Variants in COL6A1 observed in about 807,000 individuals in gnomAD.
COL6A1 encodes the protein collagen alpha-1(VI) chain.
In COL6A1, 80 loss-of-function variants were observed where a neutral mutation model predicts 145.6. The observed-to-expected ratio is 0.55, with a 90% CI of 0.46 to 0.66. The LOEUF (loss-of-function observed/expected upper bound fraction) is 0.66, where lower values mean the gene tolerates loss of function less well. Ranked by LOEUF, COL6A1 falls within the 30% of genes least tolerant of loss-of-function variation. The pLI, the probability that COL6A1 is intolerant of heterozygous loss-of-function variation, is 0.00. For synonymous variants in COL6A1, 638 were observed against 622.8 expected (o/e 1.02, Z -0.36); for missense variants, 1,364 against 1,473.8 (o/e 0.93, Z 1.22).
chr21:45,994,250 G>A lies in COL6A1; in HGVS notation c.1398+21G>A. 3.1e-6 allele frequency: 5 copies of A among 1,602,812 alleles called. No individual in the cohort carries two copies. The highest frequency in any genetic ancestry group is 4.3e-6 in the Non-Finnish European group (5 of 1,175,104). ...ACCCGGTAGGAAGCGCTGTGGGGTT[G>A]GGGGGCGTTGGCCAATTTGGGTTTT... On this transcript the variant is annotated intron_variant, in intron 20 of 34. Transcript: ENST00000361866. This position sits in a 1 kb window ranked among gnomAD's most constrained non-coding sequence, Gnocchi z 6.8.
chr21:46,001,102 G>A, intron 29 of COL6A1, 151 bp from the exon 30 acceptor site: 2 of 1,098,970 alleles, frequency 1.8e-6, no homozygotes, highest in South Asian at 1.5e-5. Flanking sequence ...GGGGCCATGG[G>A]AGGGGGTGGG....
chr21:46,001,434 C>A (rs1018574441), intron 30 of COL6A1, 48 bp downstream of exon 30: 5 of 1,599,542 alleles, frequency 3.1e-6, no homozygotes, highest in Middle Eastern at 1.7e-4. Flanking sequence ...TGCACCCCGA[C>A]CCTGCCGGCC....
In COL6A1 at chr21:46,003,968, C is replaced by A. The variant is rs774945067; in HGVS notation, c.3042C>A (p.Arg1014=). ...TCCCCAGCTACCAGGCCCTGCTCCG[C>A]GGTGTCTTCCACCAGACAGTCTCCA... ...FRVPSYQALL[R]GVFHQTVSRK... is the part of the protein sequence containing the mutation. The change falls in exon 35 of 35, where the codon CGC becomes CGA. Residue 1014 remains arginine (R), a synonymous_variant. Coordinates refer to ENST00000361866, the MANE Select transcript of COL6A1 (RefSeq NM_001848.3). The A allele has an allele frequency of 2.8e-5, 45 of 1,612,948 alleles. No individual in the cohort carries two copies. In the South Asian group the frequency reaches 4.8e-4, roughly 17 times the overall value.
Position 45,997,681 on chromosome 21 carries a change from G to A in COL6A1, c.1462-19G>A, listed in dbSNP as rs191393017. The A allele has an allele frequency of 4.9e-5, 77 of 1,578,742 alleles. No homozygotes were observed. Among genetic ancestry groups the A allele is most frequent in the East Asian group, 3.3e-4 (14 of 42,880 alleles). On this transcript the variant is annotated intron_variant, in intron 21 of 34. Coordinates refer to ENST00000361866, the MANE Select transcript of COL6A1 (RefSeq NM_001848.3). ...ACCATGCTAAGCCTGCTCCCCTCAC[G>A]CCTCCTCTTCCTCCTCAGGGTGCCA...
chr21:45,984,519 CAG>C (rs1299687731), intron 3 of COL6A1, 50 bp downstream of exon 3: 1 of 1,580,026 alleles, frequency 6.3e-7, no homozygotes, highest in Non-Finnish European at 8.6e-7. Context: ...GCGTGGTACC[CAG>C]CCTGGGCTGG....
At chr21:45,999,803 G>T in intron 27 of COL6A1, 111 bp downstream of exon 27, 3 of 884,038 alleles carry the variant, frequency 3.4e-6, no homozygotes, top group Non-Finnish European at 3.4e-6. Flanking sequence ...GGGGGGGTGG[G>T]TTGTGGACAA....
intron 22 of COL6A1, 119 bp from the exon 23 acceptor site, chr21:45,998,002 G>C (rs1291766164): frequency 1.5e-6 from 2 of 1,338,518 alleles, no homozygotes; most frequent in Non-Finnish European, 2.1e-6. Context: ...CCAGGGGAGG[G>C]AGCCGGCTTC....
chr21:45,981,894 G>A lies in COL6A1; in HGVS notation c.44G>A (p.Cys15Tyr). 1 of 1,605,452 alleles carries A rather than the reference G, an allele frequency of 6.2e-7. No individual in the cohort carries two copies. The highest frequency in any genetic ancestry group is 8.5e-7 in the Non-Finnish European group (1 of 1,177,486). The change falls in exon 1 of 35, where the codon TGC becomes TAC. Residue 15 changes from cysteine (C) to tyrosine (Y), a missense_variant. Cys to Tyr is a radical substitution (Grantham distance 194). Transcript: ENST00000361866. ...CTGCTGCCCCTGCTGCTGCAGGCCT[G>A]CTGGACAGCCGCGCAGGATGAGCCG... ...RALLPLLLQA[C>Y]WTAAQDEPET...
intron 2 of COL6A1, 101 bp downstream of exon 2, chr21:45,982,864 A>C: frequency 6.6e-7 from 1 of 1,524,734 alleles, no homozygotes; most frequent in Non-Finnish European, 8.9e-7. Flanking sequence ...TCAACCTCCT[A>C]AGGTTGGGCG....
Position 46,002,408 on chromosome 21 carries a change from T to A in COL6A1, c.2250+7T>A. 3 of 1,606,648 alleles carry A rather than the reference T, an allele frequency of 1.9e-6. No homozygotes were observed. In the South Asian group the frequency reaches 3.3e-5, roughly 18 times the overall value. On this transcript the variant is annotated splice_region_variant and intron_variant, in intron 32 of 34. Transcript: ENST00000361866. ...CTGCAGCCCCGGCATCCAGGTGGGGTGGCCACCCCCAGGCTGCACCTGCCC... is the reference window on the plus strand; with the variant it reads ...CTGCAGCCCCGGCATCCAGGTGGGGAGGCCACCCCCAGGCTGCACCTGCCC...
At position 46,003,515 on chromosome 21, in the gene COL6A1, C is replaced by A. The variant is rs755994430; in HGVS notation, c.2589C>A (p.Gly863=). 2 of 1,611,572 alleles carry A rather than the reference C, an allele frequency of 1.2e-6. No individual in the cohort carries two copies. The highest frequency in any genetic ancestry group is 1.7e-5 in the Admixed American group (1 of 59,964). Residue 863 remains glycine, a synonymous_variant, in exon 35 of 35, where the codon GGC becomes GGA. Coordinates refer to ENST00000361866, the MANE Select transcript of COL6A1 (RefSeq NM_001848.3). The part of the protein sequence containing the change: ...KRLAERFLTA[G]RTDPAHDVRV... ...TGGCCGAGCGCTTCCTCACAGCGGG[C>A]AGGACGGACCCCGCCCACGACGTGC...
intron 20 of COL6A1, among the ~76,000 whole-genome samples, chr21:45,997,027 C>T (rs1055777406): frequency 3.3e-5 from 5 of 152,164 alleles, no homozygotes; most frequent in Admixed American, 6.5e-5. Flanking sequence ...GGTCTGCGGC[C>T]TGGGGACCTG....
At chr21:45,991,958 A>C (rs1163755670) in intron 15 of COL6A1, 52 bp from the exon 16 acceptor site, 8 of 1,537,478 alleles carry the variant, frequency 5.2e-6, no homozygotes, top group African/African-American at 1.4e-5. Context: ...TGATGGCTGC[A>C]CCCCTGGTGC....
At position 46,000,367 on chromosome 21, in the gene COL6A1, TGTGA is replaced by T. The variant is rs1439226366; in HGVS notation, c.1813+3_1813+6del. The T allele has an allele frequency of 1.2e-6, 2 of 1,613,956 alleles. No homozygotes were observed. The highest frequency in any genetic ancestry group is 1.1e-5 in the South Asian group (1 of 91,082). On this transcript the variant is annotated splice_donor_variant and splice_donor_region_variant and intron_variant, in intron 28 of 34. Transcript: ENST00000361866. LOFTEE classifies it high-confidence loss of function. ...TTTGGACATCATCATGAAAATGTGC[TGTGA>T]GTATCTCTGAGAAGCCGTCCTCGTT...
At chr21:45,984,554 G>A (rs950490533) in intron 3 of COL6A1, 85 bp downstream of exon 3, 112 of 1,294,820 alleles carry the variant, frequency 8.6e-5, no homozygotes, top group South Asian at 4.0e-4. Context: ...GTCCCTGTGC[G>A]GCTTCAGCTG....
intron 1 of COL6A1, 65 bp downstream of exon 1, chr21:45,982,012 G>A: frequency 7.5e-7 from 1 of 1,327,532 alleles, no homozygotes; most frequent in South Asian, 1.3e-5. Flanking sequence ...AGGGCCAGAT[G>A]CGCGGGGTCC....
In COL6A1 at chr21:45,994,442, C is replaced by T. The variant is rs1358579987; in HGVS notation, c.1398+213C>T. Among the ~76,000 whole-genome samples, 2 of 151,832 alleles carry T rather than the reference C, an allele frequency of 1.3e-5. No individual in the cohort carries two copies. Among genetic ancestry groups the T allele is most frequent in the South Asian group, 4.2e-4 (2 of 4,804 alleles). Reference sequence around the variant, plus strand: ...TGTGGATTGTTGAGAGCAGGCCCAGCGCCCGGGGGCCTGACGCTGAGACGC... The same window carrying T: ...TGTGGATTGTTGAGAGCAGGCCCAGTGCCCGGGGGCCTGACGCTGAGACGC... On this transcript the variant is annotated intron_variant, in intron 20 of 34. Transcript: ENST00000361866. This position sits in a 1 kb window ranked among gnomAD's most constrained non-coding sequence, Gnocchi z 6.8.
intron 27 of COL6A1, among the ~76,000 whole-genome samples, chr21:45,999,965 C>CGT (rs1569518920): frequency 0.014 from 19 of 1,404 alleles, no homozygotes; most frequent in South Asian, 0.04. Flanking sequence ...CATGGGAGGA[C>CGT]GTGAGGATCA....
chr21:45,989,684 G>A (rs376096786), intron 10 of COL6A1, 32 bp downstream of exon 10: 18 of 1,613,020 alleles, frequency 1.1e-5, no homozygotes, highest in South Asian at 3.3e-5. Context: ...GCCCGAGCCC[G>A]GTGGTGCCCT....
Sources: allele counts gnomAD v4.1 joint callset (sites outside exome capture counted in the v4.1 genomes callset), GRCh38; gene constraint gnomAD v4.1.1; non-coding constraint Gnocchi (gnomAD v3.1); transcripts MANE v1.5; gene names NCBI Gene and HGNC (gene_info 2026-07-23, HGNC 2026-07-21).